RFPL1: variants seen among roughly 807,000 people sequenced by gnomAD.
RFPL1 encodes the protein ret finger protein like 1, also known as ret finger protein-like 1.
In RFPL1, 6 loss-of-function variants were observed where a neutral mutation model predicts 9.6. The observed-to-expected ratio is 0.62, with a 90% CI of 0.34 to 1.23. The LOEUF is 1.23. RFPL1 is among the 50% of genes most tolerant of loss of function. The pLI, the probability that RFPL1 is intolerant of heterozygous loss-of-function variation, is 0.03. For missense variants in RFPL1, 352 were observed against 398.4 expected, an observed-to-expected ratio of 0.88 and a Z score of 0.99; for synonymous variants, 145 against 149.4, an observed-to-expected ratio of 0.97 and a Z score of 0.22.
At position 29,438,602 on chromosome 22, in the gene RFPL1, C is replaced by T. The variant is rs114855059; in HGVS notation, c.-190C>T. The T allele has an allele frequency of 1.5e-3, 2,141 of 1,431,062 alleles. 28 individuals are homozygous for T. In the African/African-American group the frequency reaches 0.028, roughly 18 times the overall value. The allele number at this position is 1,431,062 out of a possible 1,614,324, so 88.6% of individuals were successfully genotyped here. A position where few individuals can be genotyped will look rare whatever the true frequency, so the allele number is the denominator to read the frequency against. On this transcript the variant is annotated 5_prime_UTR_variant, in exon 1 of 2. Coordinates refer to ENST00000354373, the Ensembl canonical transcript of RFPL1. The stretch of plus-strand genomic sequence containing the variant: ...GGTGCTGCCGTGTCACTGGCTCAGG[C>T]TCAGTTGCTGGGTCACCAGTAGAAT...
At chr22:29,408,114 A>G in the RFPL1 span, among the ~76,000 whole-genome samples, 1 of 152,214 alleles carries the variant, frequency 6.6e-6, no homozygotes, top group Non-Finnish European at 1.5e-5. Context: ...AACAGGGTAG[A>G]TGATCAATGT....
At chr22:29,432,992 A>G in the RFPL1 span, 1 of 152,190 alleles carries the variant, frequency 6.6e-6, no homozygotes, top group African/African-American at 2.4e-5. Context: ...TGCCTATCTT[A>G]TCCTGAAAAA....
the RFPL1 span, among the ~76,000 whole-genome samples, chr22:29,424,799 TGACAGAGCAA>T: frequency 7.2e-6 from 1 of 139,322 alleles, no homozygotes; most frequent in Admixed American, 7.2e-5. Flanking sequence ...TCCAGCGTGG[TGACAGAGCAA>T]GACTCTGTCT....
At chr22:29,417,993 G>A in the RFPL1 span, among the ~76,000 whole-genome samples, 1 of 148,146 alleles carries the variant, frequency 6.8e-6, no homozygotes, top group Admixed American at 6.8e-5. Flanking sequence ...AGGCTGGAGT[G>A]CAGGCTCAGC....
At chr22:29,438,832 C>T (rs1395779491) in exon 1 of RFPL1, 2 of 1,613,832 alleles carry the variant, frequency 1.2e-6, no homozygotes, top group Non-Finnish European at 1.7e-6. Flanking sequence ...AGGCTTTCAC[C>T]TCACGGAAAT....
the RFPL1 span, among the ~76,000 whole-genome samples, chr22:29,410,270 C>CTA: frequency 8.6e-6 from 1 of 116,262 alleles, no homozygotes; most frequent in African/African-American, 3.2e-5. Context: ...ATATATATAT[C>CTA]TATATATATA....
chr22:29,409,855 A>G, the RFPL1 span, among the ~76,000 whole-genome samples: 13 of 152,126 alleles, frequency 8.5e-5, no homozygotes, highest in Non-Finnish European at 1.5e-5. Context: ...GGAGTTTATG[A>G]CCAACTGAGG....
At chr22:29,410,384 ATATATATATT>A in the RFPL1 span, among the ~76,000 whole-genome samples, 6 of 82,854 alleles carry the variant, frequency 7.2e-5, no homozygotes, top group African/African-American at 3.2e-4. Context: ...ATATATATAG[ATATATATATT>A]GTAGATATAT....
At chr22:29,439,556 TGG>T (rs556583451) in intron 1 of RFPL1, 1 of 186,898 alleles carries the variant, frequency 5.4e-6, no homozygotes, top group Non-Finnish European at 1.1e-5. Flanking sequence ...GGCGTTAACC[TGG>T]GGGGGGCGGA....
At chr22:29,403,857 G>A in the RFPL1 span, among the ~76,000 whole-genome samples, 1 of 152,156 alleles carries the variant, frequency 6.6e-6, no homozygotes, top group Non-Finnish European at 1.5e-5. Flanking sequence ...TCCACGAAGG[G>A]GAATTTGGCA....
the RFPL1 span, among the ~76,000 whole-genome samples, chr22:29,420,633 G>GTTTTTTTTTT: frequency 4.9e-5 from 1 of 20,394 alleles, no homozygotes; most frequent in Non-Finnish European, 8.7e-5. Flanking sequence ...ATGGTTTTTT[G>GTTTTTTTTTT]CTTTTTTTTT....
At chr22:29,434,202 A>C (rs1287983689), upstream of RFPL1, among the ~76,000 whole-genome samples, 1 of 152,212 alleles carries the variant, frequency 6.6e-6, no homozygotes, top group Non-Finnish European at 1.5e-5. Flanking sequence ...TATTCATTAG[A>C]TATCTATATT....
At chr22:29,429,647 A>G in the RFPL1 span, among the ~76,000 whole-genome samples, 2 of 152,220 alleles carry the variant, frequency 1.3e-5, no homozygotes, top group Non-Finnish European at 2.9e-5. Flanking sequence ...ACCAATCTCA[A>G]ATAATAAGAT....
the RFPL1 span, among the ~76,000 whole-genome samples, chr22:29,404,935 G>A: frequency 6.6e-6 from 1 of 152,070 alleles, no homozygotes; most frequent in African/African-American, 2.4e-5. Flanking sequence ...TCACTATGTT[G>A]CCCAGGCTGG....
At chr22:29,420,352 A>T in the RFPL1 span, among the ~76,000 whole-genome samples, 1 of 152,138 alleles carries the variant, frequency 6.6e-6, no homozygotes, top group Non-Finnish European at 1.5e-5. Flanking sequence ...TTTTTTTGAG[A>T]TGGAGTCTCG....
chr22:29,432,015 C>T, the RFPL1 span, among the ~76,000 whole-genome samples: 1 of 152,154 alleles, frequency 6.6e-6, no homozygotes, highest in African/African-American at 2.4e-5. Flanking sequence ...AGATAACTTA[C>T]ATTCTCTTTT....
chr22:29,388,727 C>G, the RFPL1 span: 1 of 152,398 alleles, frequency 6.6e-6, no homozygotes, highest in Non-Finnish European at 1.5e-5. Context: ...GCTGCAGTCT[C>G]CCGCAGAGCC....
the RFPL1 span, among the ~76,000 whole-genome samples, chr22:29,410,326 G>A: frequency 2.7e-4 from 28 of 105,622 alleles, 2 homozygotes; most frequent in Non-Finnish European, 3.9e-4. Context: ...ATATATATAT[G>A]TAGATATATA....
chr22:29,388,467 T>A, the RFPL1 span: 8 of 152,390 alleles, frequency 5.2e-5, no homozygotes, highest in Non-Finnish European at 1.2e-4. Context: ...CGGTTCGGCT[T>A]GGCACCAAAA....
Sources: gnomAD v4.1 joint callset for allele counts (sites outside exome capture counted in the v4.1 genomes callset) on GRCh38, gnomAD v4.1.1 for gene constraint, MANE v1.5 for transcripts, NCBI Gene and HGNC (gene_info 2026-07-23, HGNC 2026-07-21) for gene names.